Variants in BAZ2B observed in about 807,000 individuals in gnomAD.
The protein encoded by BAZ2B is bromodomain adjacent to zinc finger domain 2B.
Under a neutral mutation model 246.0 loss-of-function variants are expected in BAZ2B, and 91 were observed. That is an observed-to-expected ratio of 0.37 (90% confidence interval 0.31 to 0.44). The LOEUF is 0.44. BAZ2B is among the 20% of genes least tolerant of loss of function. The probability of loss-of-function intolerance (pLI) is 1.00; values close to 1 mark genes in which losing one functional copy is unlikely to be tolerated. For synonymous variants in BAZ2B, 855 were observed against 860.0 expected (o/e 0.99, Z 0.10); for missense variants, 2,332 against 2,533.7 (o/e 0.92, Z 1.71).
At chr2:159,609,930 T>G (rs1192613619) in intron 1 of BAZ2B, among the ~76,000 whole-genome samples, 1 of 152,192 alleles carries the variant, frequency 6.6e-6, no homozygotes, top group African/African-American at 2.4e-5. Context: ...AACCAATTCA[T>G]GTTAAAGCCA....
chr2:159,579,409 G>A lies in BAZ2B; in HGVS notation c.-45-23544C>T, dbSNP rs183839815. Among the ~76,000 whole-genome samples, 601 of 152,266 alleles carry A rather than the reference G, an allele frequency of 3.9e-3. 2 individuals carry two copies. Among genetic ancestry groups the A allele is most frequent in the Non-Finnish European group, 6.5e-3 (441 of 68,026 alleles). On this transcript the variant is annotated intron_variant, in intron 1 of 36. Coordinates refer to ENST00000392783, the MANE Select transcript of BAZ2B (RefSeq NM_013450.4). The stretch of plus-strand genomic sequence containing the variant: ...GAATCCCTGAATAGATCAATAACAA[G>A]CTCTGAAATTGAGGCAATAATTAAT...
chr2:159,332,697 T>C lies in BAZ2B; in HGVS notation c.5797-11A>G, dbSNP rs762650109. 7 of 1,611,988 alleles carry C rather than the reference T, an allele frequency of 4.3e-6. No individual in the cohort carries two copies. Among genetic ancestry groups the C allele is most frequent in the African/African-American group, 1.3e-5 (1 of 74,934 alleles). The stretch of plus-strand genomic sequence containing the variant: ...ACAGATTTGGCAGTACTATAATACA[T>C]GAAAAATCATTTAAAATTAACGCTC... On this transcript the variant is annotated splice_polypyrimidine_tract_variant and intron_variant, in intron 33 of 36. Transcript: ENST00000392783.
At chr2:159,326,823 T>C (rs1387034888) in intron 34 of BAZ2B, among the ~76,000 whole-genome samples, 7 of 152,014 alleles carry the variant, frequency 4.6e-5, no homozygotes, top group Non-Finnish European at 1.5e-5. Context: ...CCTGTATTCA[T>C]AGAGAAAAAA....
intron 33 of BAZ2B, among the ~76,000 whole-genome samples, chr2:159,334,502 G>A (rs1162806263): frequency 6.6e-6 from 1 of 152,242 alleles, no homozygotes; most frequent in East Asian, 1.9e-4. Flanking sequence ...ATTTTGTCAG[G>A]ACTTACTATG....
chr2:159,645,539 T>A, the BAZ2B span, among the ~76,000 whole-genome samples: 1 of 152,050 alleles, frequency 6.6e-6, no homozygotes, highest in Non-Finnish European at 1.5e-5. Flanking sequence ...CCTCTGAGAA[T>A]CTAATGTCAC....
In BAZ2B at chr2:159,586,215, T is replaced by C. The variant is rs142531665; in HGVS notation, c.-46+30027A>G. Among the ~76,000 whole-genome samples the C allele has an allele frequency of 2.7e-3, 407 of 152,332 alleles. 2 individuals carry two copies. Among genetic ancestry groups the C allele is most frequent in the African/African-American group, 9.2e-3 (384 of 41,572 alleles). ...CGTTGTGGTAATTATATTACAATTATAATTTTTTATATCTGACACAGCAAA... is the reference window on the plus strand; with the variant it reads ...CGTTGTGGTAATTATATTACAATTACAATTTTTTATATCTGACACAGCAAA... On this transcript the variant is annotated intron_variant, in intron 1 of 36. Transcript: ENST00000392783.
At chr2:159,550,927 CT>C (rs562659740) in intron 2 of BAZ2B, among the ~76,000 whole-genome samples, 200 of 152,262 alleles carry the variant, frequency 1.3e-3, no homozygotes, top group African/African-American at 4.6e-3. Context: ...CCTTGAACTC[CT>C]GGACTCAAGC....
At chr2:159,422,053 T>C (rs1354322123) in intron 13 of BAZ2B, among the ~76,000 whole-genome samples, 1 of 152,096 alleles carries the variant, frequency 6.6e-6, no homozygotes. Context: ...GAAAGATCTC[T>C]ACAACAAAAA....
chr2:159,607,690 A>G (rs1171466046), intron 1 of BAZ2B, among the ~76,000 whole-genome samples: 2 of 152,148 alleles, frequency 1.3e-5, no homozygotes, highest in Admixed American at 1.3e-4. Flanking sequence ...CTAGCTCTAT[A>G]TTTGTTCTAT....
chr2:159,377,795 G>A (rs915976910), intron 25 of BAZ2B, among the ~76,000 whole-genome samples: 8 of 122,348 alleles, frequency 6.5e-5, no homozygotes, highest in Admixed American at 9.9e-5. Flanking sequence ...CTGGGTGACA[G>A]AGCGAGACTC....
chr2:159,656,189 T>C, the BAZ2B span, among the ~76,000 whole-genome samples: 1,595 of 152,268 alleles, frequency 0.01, 27 homozygotes, highest in African/African-American at 0.036. Context: ...AAAATTAATA[T>C]ACTTTTTAAA....
intron 27 of BAZ2B, among the ~76,000 whole-genome samples, chr2:159,368,795 G>A (rs1405747560): frequency 7.0e-6 from 1 of 143,510 alleles, no homozygotes; most frequent in Non-Finnish European, 1.5e-5. Flanking sequence ...AGGTTATGTA[G>A]AAGAGCCTGG....
At chr2:159,496,829 TAAAG>T (rs2081222669) in intron 2 of BAZ2B, among the ~76,000 whole-genome samples, 1 of 147,884 alleles carries the variant, frequency 6.8e-6, no homozygotes, top group Admixed American at 6.7e-5. Context: ...CTACCATAGT[TAAAG>T]AAGAGAATTT....
rs1337548483 is a variant in BAZ2B, at chr2:159,509,581, G to A, written c.-2-30860C>T. 2.6e-5 allele frequency among the ~76,000 whole-genome samples: 4 copies of A among 152,184 alleles called. No individual in the cohort carries two copies. In the East Asian group the frequency reaches 7.7e-4, roughly 29 times the overall value. On this transcript the variant is annotated intron_variant, in intron 2 of 36. Transcript: ENST00000392783. ...TTTACATTCACTATACAGTGTAACA[G>A]AATAAAATCAATGCTTGATTCAGCT...
At chr2:159,538,214 A>C (rs575757124) in intron 2 of BAZ2B, among the ~76,000 whole-genome samples, 203 of 152,044 alleles carry the variant, frequency 1.3e-3, no homozygotes, top group Non-Finnish European at 1.8e-3. Flanking sequence ...CCCAGGCTGG[A>C]CTCGAACTCC....
chr2:159,501,123 A>T (rs1384833569), intron 2 of BAZ2B, among the ~76,000 whole-genome samples: 6 of 71,896 alleles, frequency 8.3e-5, no homozygotes, highest in East Asian at 6.9e-4. Flanking sequence ...ATATATATAT[A>T]ATATATATAT....
intron 3 of BAZ2B, chr2:159,463,182 G>T: frequency 1.7e-6 from 1 of 572,794 alleles, no homozygotes; most frequent in Non-Finnish European, 3.3e-6. Flanking sequence ...ATTCTCCTGC[G>T]GGTGCATGAG....
intron 26 of BAZ2B, 32 bp downstream of exon 26, chr2:159,374,659 A>T: frequency 6.4e-7 from 1 of 1,573,276 alleles, no homozygotes; most frequent in Non-Finnish European, 8.7e-7. Flanking sequence ...AACACTGTGA[A>T]GAAGTTAAAT....
chr2:159,604,932 T>TTTTGTGTG (rs1553749948), intron 1 of BAZ2B, among the ~76,000 whole-genome samples: 10 of 123,378 alleles, frequency 8.1e-5, no homozygotes, highest in Admixed American at 6.1e-4. Flanking sequence ...TTAATATATT[T>TTTTGTGTG]TGTGTGTGTG....
Sources: gnomAD v4.1 joint callset for allele counts (sites outside exome capture counted in the v4.1 genomes callset) on GRCh38, gnomAD v4.1.1 for gene constraint, MANE v1.5 for transcripts, NCBI Gene and HGNC (gene_info 2026-07-23, HGNC 2026-07-21) for gene names.